The following HELZ variants were observed in gnomAD, a reference collection of about 807,000 sequenced individuals.
The protein encoded by HELZ is helicase with zinc finger.
In HELZ, 23 loss-of-function variants were observed where a neutral mutation model predicts 218.2. The observed-to-expected ratio is 0.11, with a 90% confidence interval of 0.08 to 0.15. The LOEUF is 0.15. HELZ is among the 10% of genes least tolerant of loss of function. The probability of loss-of-function intolerance (pLI) is 1.00; values close to 1 mark genes in which losing one functional copy is unlikely to be tolerated. For synonymous variants in HELZ, 814 were observed against 829.4 expected, an observed-to-expected ratio of 0.98 and a Z score of 0.32; for missense variants, 1,813 against 2,353.7, an observed-to-expected ratio of 0.77 and a Z score of 4.75.
rs538283961 is a variant in HELZ at position 67,184,863 on chromosome 17, T to A, written c.1162+3456A>T. ...AATAAATAAATAGAGATATTTCCCA[T>A]TCAAATTCCAGTTTCACAGAATCAC... On this transcript the variant is annotated intron_variant, in intron 12 of 32. Coordinates refer to ENST00000358691, the MANE Select transcript of HELZ (RefSeq NM_014877.4). 2.0e-5 allele frequency among the ~76,000 whole-genome samples: 3 copies of A among 150,064 alleles called. No homozygotes were observed. The South Asian group carries it at 6.3e-4, about 32-fold the overall frequency.
intron 7 of HELZ, among the ~76,000 whole-genome samples, chr17:67,198,320 G>A (rs866330188): frequency 2.0e-5 from 3 of 152,176 alleles, no homozygotes; most frequent in African/African-American, 4.8e-5. Context: ...CGACCCGCAC[G>A]GGCCTGTGCT....
rs756397483 is a variant in HELZ at position 67,120,415 on chromosome 17, T to C, written c.3828A>G (p.Gln1276=). The C allele has an allele frequency of 6.2e-6, 10 of 1,613,910 alleles. No homozygotes were observed. The highest frequency in any genetic ancestry group is 8.5e-6 in the Non-Finnish European group (10 of 1,179,828). ...CGAAGTACAACTTACCATTTCGATT[T>C]TGCTCATGTTGATCCTTCTCCTGAT... The part of the protein sequence containing the change: ...NQHQEKDQHE[Q]NRNGKSDTNN... Residue 1276 remains glutamine, a synonymous_variant, in exon 27 of 33, where the codon CAA becomes CAG. Transcript: ENST00000358691.
chr17:67,132,648 G>A (rs1306827358), intron 23 of HELZ, among the ~76,000 whole-genome samples: 1 of 152,192 alleles, frequency 6.6e-6, no homozygotes, highest in Non-Finnish European at 1.5e-5. Flanking sequence ...ACATAAACCA[G>A]CACCTGGCTC....
chr17:67,148,764 A>G, intron 19 of HELZ, 50 bp from the exon 20 acceptor site: 1 of 1,516,526 alleles, frequency 6.6e-7, no homozygotes, highest in Non-Finnish European at 8.9e-7. Flanking sequence ...TACAAATAGT[A>G]TTTTTTAACC....
At chr17:67,086,643 T>TATATATATATATATAC (rs1567787981) in intron 32 of HELZ, among the ~76,000 whole-genome samples, 186 bp downstream of exon 32, 32 of 126,004 alleles carry the variant, frequency 2.5e-4, no homozygotes, top group South Asian at 4.9e-4. Flanking sequence ...TATATATATA[T>TATATATATATATATAC]ATATATATAT....
In HELZ at chr17:67,222,816, G is replaced by A. The variant is rs376585038; in HGVS notation, c.-18-3994C>T. On this transcript the variant is annotated intron_variant, in intron 3 of 32. Coordinates refer to ENST00000358691, the MANE Select transcript of HELZ (RefSeq NM_014877.4). Reference sequence around the variant, plus strand: ...ATAATACGCAGTGAGAGATCTAGAAGTACTTCTAAATGAGGCCAGCTCCCA... The same window carrying A: ...ATAATACGCAGTGAGAGATCTAGAAATACTTCTAAATGAGGCCAGCTCCCA... 2.6e-4 allele frequency among the ~76,000 whole-genome samples: 40 copies of A among 152,306 alleles called. No homozygotes were observed. The South Asian group carries it at 7.9e-3, about 30-fold the overall frequency.
chr17:67,075,972 A>G lies in HELZ; in HGVS notation c.*2280T>C, dbSNP rs768356827. The G allele has an allele frequency of 8.5e-5, 13 of 152,638 alleles. No homozygotes were observed. The highest frequency in any genetic ancestry group is 1.8e-4 in the Non-Finnish European group (12 of 68,040). The allele number at this position is 152,638 out of a possible 1,614,324, so 9.5% of individuals were successfully genotyped here. A position where few individuals can be genotyped will look rare whatever the true frequency, so the allele number is the denominator to read the frequency against. On this transcript the variant is annotated 3_prime_UTR_variant, in exon 33 of 33. Transcript: ENST00000358691. ...TTATATAAGGTGATGGGGTGCATACACGACCCCATGACCCTTAACTAAATA... is the reference window on the plus strand; with the variant it reads ...TTATATAAGGTGATGGGGTGCATACGCGACCCCATGACCCTTAACTAAATA...
chr17:67,093,283 T>TA (rs1453060773), intron 31 of HELZ, among the ~76,000 whole-genome samples: 1 of 151,774 alleles, frequency 6.6e-6, no homozygotes, highest in Non-Finnish European at 1.5e-5. Flanking sequence ...TTCTTGCAGA[T>TA]AAAATCAAGG....
chr17:67,238,759 A>T (rs1292303071), intron 3 of HELZ, among the ~76,000 whole-genome samples: 1 of 152,232 alleles, frequency 6.6e-6, no homozygotes, highest in Admixed American at 6.5e-5. Flanking sequence ...TTATTTCTGT[A>T]GTATTACCAT....
intron 4 of HELZ, among the ~76,000 whole-genome samples, chr17:67,217,030 T>C (rs923205327): frequency 2.0e-5 from 3 of 152,204 alleles, no homozygotes; most frequent in Non-Finnish European, 4.4e-5. Flanking sequence ...AGACATCATA[T>C]AGCACTTCTA....
intron 31 of HELZ, among the ~76,000 whole-genome samples, chr17:67,095,596 G>A (rs938324626): frequency 6.6e-6 from 1 of 152,104 alleles, no homozygotes; most frequent in Non-Finnish European, 1.5e-5. Context: ...TCAATCATAA[G>A]ATTACAGCAA....
chr17:67,115,435 TATAA>T (rs1441083891), intron 27 of HELZ, among the ~76,000 whole-genome samples: 10 of 151,948 alleles, frequency 6.6e-5, no homozygotes, highest in African/African-American at 9.7e-5. Context: ...TGATAAAAAT[TATAA>T]ACTCAGAGAT....
intron 13 of HELZ, among the ~76,000 whole-genome samples, chr17:67,171,732 C>A (rs1021301112): frequency 6.6e-6 from 1 of 152,180 alleles, no homozygotes; most frequent in Admixed American, 6.5e-5. Flanking sequence ...CCCTCCATTG[C>A]AACTATAATA....
At chr17:67,097,752 C>T (rs1299855110) in intron 31 of HELZ, among the ~76,000 whole-genome samples, 4 of 152,122 alleles carry the variant, frequency 2.6e-5, no homozygotes, top group Non-Finnish European at 5.9e-5. Context: ...TTACAATGAG[C>T]AAATGTTGGG....
intron 32 of HELZ, among the ~76,000 whole-genome samples, chr17:67,083,320 C>A (rs1296516146): frequency 1.3e-5 from 2 of 152,156 alleles, no homozygotes; most frequent in Non-Finnish European, 2.9e-5. Flanking sequence ...CTATGAATTT[C>A]ACTAGTCTTA....
chr17:67,123,170 A>G lies in HELZ; in HGVS notation c.3440-10T>C. 3 of 1,593,090 alleles carry G rather than the reference A, an allele frequency of 1.9e-6. No individual in the cohort carries two copies. The highest frequency in any genetic ancestry group is 2.2e-5 in the South Asian group (2 of 89,096). ...GAAGGATTGGGCTGAACTGAAAAAT[A>G]AACAGAAAAAGGATGCACTCAACAG... On this transcript the variant is annotated splice_polypyrimidine_tract_variant and intron_variant, in intron 25 of 32. Transcript: ENST00000358691.
intron 31 of HELZ, among the ~76,000 whole-genome samples, chr17:67,104,962 T>TACA (rs900996643): frequency 1.1e-4 from 17 of 151,992 alleles, no homozygotes; most frequent in South Asian, 1.0e-3. Flanking sequence ...CTACTAAAAA[T>TACA]ACAACAACAA....
chr17:67,141,038 A>G (rs1252849777), intron 21 of HELZ, among the ~76,000 whole-genome samples: 1 of 152,228 alleles, frequency 6.6e-6, no homozygotes, highest in African/African-American at 2.4e-5. Context: ...ACCTAAGAGA[A>G]TTCCTCACTT....
At position 67,084,473 on chromosome 17, in the gene HELZ, T is replaced by C. The variant is rs562355686; in HGVS notation, c.5494+2356A>G. Reference sequence around the variant, plus strand: ...GTCAGGAGATCGAGACCATCCTGGCTAACACAGTGAAACCCCGTCTCTACT... The same window carrying C: ...GTCAGGAGATCGAGACCATCCTGGCCAACACAGTGAAACCCCGTCTCTACT... On this transcript the variant is annotated intron_variant, in intron 32 of 32. Transcript: ENST00000358691. Among the ~76,000 whole-genome samples, 293 of 151,502 alleles carry C rather than the reference T, an allele frequency of 1.9e-3. 1 individual carries two copies. Among genetic ancestry groups the C allele is most frequent in the Middle Eastern group, 0.014 (4 of 294 alleles).
Sources: gnomAD v4.1 joint callset for allele counts (sites outside exome capture counted in the v4.1 genomes callset) on GRCh38, gnomAD v4.1.1 for gene constraint, MANE v1.5 for transcripts, NCBI Gene and HGNC (gene_info 2026-07-23, HGNC 2026-07-21) for gene names.